The following TMEM53 variants were observed in gnomAD, a reference collection of about 807,000 sequenced individuals.
TMEM53 encodes novel DUF829 domain-containing protein.
Under a neutral mutation model 21.4 loss-of-function variants are expected in TMEM53, and 14 were observed. The ratio of observed to expected loss-of-function variants is 0.65; its 90% CI spans 0.43 to 1.02. The LOEUF is 1.02. Ranked by LOEUF, TMEM53 falls within the 50% of genes least tolerant of loss-of-function variation. The pLI is 0.00. For missense variants in TMEM53, 323 were observed against 383.6 expected (o/e 0.84, Z 1.32); for synonymous variants, 148 against 157.4 (o/e 0.94, Z 0.45).
rs976569366 is a variant in TMEM53, at chr1:44,653,848, T to G, written c.*711A>C. 7.9e-5 allele frequency: 12 copies of G among 152,268 alleles called. No homozygotes were observed. The highest frequency in any genetic ancestry group is 2.9e-4 in the African/African-American group (12 of 41,464). 9.4% of individuals were successfully genotyped at this position (152,268 alleles called of 1,614,324 possible). A position where few individuals can be genotyped will look rare whatever the true frequency, so the allele number is the denominator to read the frequency against. On this transcript the variant is annotated 3_prime_UTR_variant, in exon 3 of 3. Coordinates refer to ENST00000372237, the MANE Select transcript of TMEM53 (RefSeq NM_024587.4). ...CTCAACTCTGGTAACAGGCACAAAG[T>G]TTCAGTTATGCAAGATGATGAAGTT... is the stretch of plus-strand genomic sequence containing the variant.
chr1:44,667,256 T>C (rs1213687902), intron 1 of TMEM53, among the ~76,000 whole-genome samples: 2 of 151,770 alleles, frequency 1.3e-5, no homozygotes, highest in African/African-American at 4.8e-5. Context: ...TATAAAGCAA[T>C]ATCATAACAG....
chr1:44,655,567 C>T lies in TMEM53; in HGVS notation c.184-358G>A, dbSNP rs911080419. Among the ~76,000 whole-genome samples, 7 of 152,262 alleles carry T rather than the reference C, an allele frequency of 4.6e-5. No homozygotes were observed. The South Asian group carries it at 1.0e-3, about 23-fold the overall frequency. On this transcript the variant is annotated intron_variant, in intron 2 of 2. Coordinates refer to ENST00000372237, the MANE Select transcript of TMEM53 (RefSeq NM_024587.4). The surrounding 1 kb of genome is among the most constrained non-coding windows in gnomAD (Gnocchi z 4.4). ...CTGGTTCCCTCCTGTCTGTGCCCCG[C>T]ACTCCCATCCTAGGCCTTGCACATT...
chr1:44,673,593 T>G (rs1645038244), intron 1 of TMEM53, among the ~76,000 whole-genome samples: 1 of 152,232 alleles, frequency 6.6e-6, no homozygotes, highest in African/African-American at 2.4e-5. Context: ...CTACATGTCT[T>G]TCTTTAATGT....
chr1:44,655,031 C>G lies in TMEM53; in HGVS notation c.362G>C (p.Arg121Pro). The G allele has an allele frequency of 6.2e-7, 1 of 1,614,078 alleles. No homozygotes were observed. The highest frequency in any genetic ancestry group is 8.5e-7 in the Non-Finnish European group (1 of 1,179,966). Reference sequence around the variant, plus strand: ...GGTCTGCAGGAGCTCCAGCACGTAGCGGTACAGCATGACGCCACCGTTGCT... The same window carrying G: ...GGTCTGCAGGAGCTCCAGCACGTAGGGGTACAGCATGACGCCACCGTTGCT... ...VFSNGGVMLYRYVLELLQTRR... is the reference protein window; with the variant it reads ...VFSNGGVMLYPYVLELLQTRR... Residue 121 changes from arginine (R) to proline (P), a missense_variant, in exon 3 of 3, where the codon CGC becomes CCC. Transcript: ENST00000372237. The surrounding 1 kb of genome is among the most constrained non-coding windows in gnomAD (Gnocchi z 4.4).
chr1:44,669,691 AC>A (rs919317009), intron 1 of TMEM53, among the ~76,000 whole-genome samples: 4 of 152,168 alleles, frequency 2.6e-5, no homozygotes, highest in Admixed American at 6.5e-5. Context: ...GTTAAGTACC[AC>A]AGACATTCAG....
intron 1 of TMEM53, among the ~76,000 whole-genome samples, chr1:44,671,541 T>G (rs1220758536): frequency 6.6e-6 from 1 of 152,146 alleles, no homozygotes; most frequent in Non-Finnish European, 1.5e-5. Context: ...ATAGGAGGAC[T>G]GCTTGAGCCC....
At chr1:44,656,293 AT>A (rs1644848893) in intron 2 of TMEM53, among the ~76,000 whole-genome samples, 1 of 152,196 alleles carries the variant, frequency 6.6e-6, no homozygotes, top group Non-Finnish European at 1.5e-5. Flanking sequence ...AAAAAAATGT[AT>A]CTCAAATGAT....
chr1:44,674,001 G>A (rs542668437), intron 1 of TMEM53: 20 of 985,468 alleles, frequency 2.0e-5, no homozygotes, highest in Non-Finnish European at 2.3e-5. Context: ...AAGGAATCAG[G>A]AGGGATCCAG....
chr1:44,668,770 T>G (rs571807158), intron 1 of TMEM53, among the ~76,000 whole-genome samples: 2 of 152,338 alleles, frequency 1.3e-5, no homozygotes, highest in South Asian at 4.1e-4. Flanking sequence ...CTCAAATTCT[T>G]GGGCTCAAGC....
chr1:44,669,835 G>A (rs907799829), intron 1 of TMEM53, among the ~76,000 whole-genome samples: 1 of 143,486 alleles, frequency 7.0e-6, no homozygotes, highest in Non-Finnish European at 1.5e-5. Context: ...TTTCGCTCTC[G>A]TTACCTAGGC....
At position 44,674,422 on chromosome 1, in the gene TMEM53, C is replaced by T. The variant is rs1348818607; in HGVS notation, c.-31G>A. On this transcript the variant is annotated 5_prime_UTR_variant, in exon 1 of 3. Coordinates refer to ENST00000372237, the MANE Select transcript of TMEM53 (RefSeq NM_024587.4). ...AGGCGCCGGCCCAGAGCACGGGTCT[C>T]CAGCCGGAACTCCCGCTTGCGCACC... 3 of 1,593,650 alleles carry T rather than the reference C, an allele frequency of 1.9e-6. No individual in the cohort carries two copies. In the African/African-American group the frequency reaches 4.1e-5, roughly 22 times the overall value.
intron 1 of TMEM53, chr1:44,674,097 A>G (rs1031080473): frequency 1.0e-6 from 1 of 985,442 alleles, no homozygotes; most frequent in Non-Finnish European, 1.2e-6. Flanking sequence ...AGAGGTCCCA[A>G]GCGAGCAGCT....
chr1:44,666,831 G>A (rs924024062), intron 1 of TMEM53, among the ~76,000 whole-genome samples: 3 of 151,918 alleles, frequency 2.0e-5, no homozygotes, highest in Non-Finnish European at 2.9e-5. Flanking sequence ...CCAAAAGCCA[G>A]TGAATTGTAC....
At chr1:44,656,990 C>T (rs1429025991) in intron 2 of TMEM53, among the ~76,000 whole-genome samples, 4 of 149,532 alleles carry the variant, frequency 2.7e-5, no homozygotes, top group African/African-American at 7.4e-5. Context: ...CCAGCCTGGG[C>T]GACAGAGCAA....
intron 2 of TMEM53, among the ~76,000 whole-genome samples, chr1:44,657,469 G>A (rs1462580283): frequency 6.6e-6 from 1 of 152,122 alleles, no homozygotes; most frequent in African/African-American, 2.4e-5. Flanking sequence ...CCCCCAAAAA[G>A]CTGGAAGGAT....
chr1:44,654,566 C>A lies in TMEM53; in HGVS notation c.827G>T (p.Arg276Leu). The change falls in exon 3 of 3, where the codon CGC becomes CTC. Residue 276 changes from arginine to leucine, a missense_variant. Transcript: ENST00000372237. This position sits in a 1 kb window ranked among gnomAD's most constrained non-coding sequence, Gnocchi z 7.0. ...LCVDFMRNCV[R>L]C ...TGAGATGGAGCAATGGCCTCAGCAG[C>A]GGACGCAGTTGCGCATGAAGTCGAC... is the stretch of plus-strand genomic sequence containing the variant. 6.2e-7 allele frequency: 1 copy of A among 1,602,724 alleles called. No homozygotes were observed. Among genetic ancestry groups the A allele is most frequent in the Non-Finnish European group, 8.5e-7 (1 of 1,171,020 alleles).
chr1:44,669,968 T>C (rs1644984840), intron 1 of TMEM53, among the ~76,000 whole-genome samples: 1 of 151,690 alleles, frequency 6.6e-6, no homozygotes. Flanking sequence ...CCGGCTAATT[T>C]TGTATTTTTA....
intron 1 of TMEM53, among the ~76,000 whole-genome samples, chr1:44,670,414 G>C (rs1173485078): frequency 6.6e-6 from 1 of 152,164 alleles, no homozygotes; most frequent in Non-Finnish European, 1.5e-5. Context: ...AAGCAGGCCT[G>C]ACACTGCTTA....
At chr1:44,667,987 G>T (rs1024365113) in intron 1 of TMEM53, among the ~76,000 whole-genome samples, 1 of 152,148 alleles carries the variant, frequency 6.6e-6, no homozygotes, top group Non-Finnish European at 1.5e-5. Context: ...TTGTACAACA[G>T]TTCAAGCCAT....
Sources: gnomAD v4.1 joint callset for allele counts (sites outside exome capture counted in the v4.1 genomes callset) on GRCh38, gnomAD v4.1.1 for gene constraint, Gnocchi (gnomAD v3.1) non-coding constraint, MANE v1.5 for transcripts, NCBI Gene and HGNC (gene_info 2026-07-23, HGNC 2026-07-21) for gene names.